Variants in NCKAP1L observed in about 807,000 individuals in gnomAD.
NCKAP1L encodes NCK associated protein 1 like.
NCKAP1L carries 53 observed loss-of-function variants against 139.2 expected under a neutral mutation model. The observed-to-expected ratio is 0.38, with a 90% CI of 0.31 to 0.48. The LOEUF is 0.48. Ranked by LOEUF, NCKAP1L falls within the 20% of genes least tolerant of loss-of-function variation. The pLI, the probability that NCKAP1L is intolerant of heterozygous loss-of-function variation, is 0.98. For missense variants in NCKAP1L, 1,151 were observed against 1,381.9 expected (o/e 0.83, Z 2.65); for synonymous variants, 468 against 499.7 (o/e 0.94, Z 0.85).
intron 25 of NCKAP1L, 68 bp from the exon 26 acceptor site, chr12:54,532,102 T>A (rs1051044574): frequency 8.7e-6 from 10 of 1,149,334 alleles, no homozygotes; most frequent in Admixed American, 2.6e-5. Context: ...TTTTTTTTTT[T>A]ATTTCTACCT....
At chr12:54,535,336 C>T (rs867913859) in intron 27 of NCKAP1L, 139 bp downstream of exon 27, 5 of 604,764 alleles carry the variant, frequency 8.3e-6, no homozygotes, top group Non-Finnish European at 1.1e-5. Context: ...AGGAAGGACC[C>T]TAACCTTCAG....
chr12:54,537,079 T>A, intron 29 of NCKAP1L, 26 bp downstream of exon 29: 1 of 1,468,742 alleles, frequency 6.8e-7, no homozygotes. Flanking sequence ...TTATAAAGAA[T>A]GGAAGATTGC....
chr12:54,506,488 C>T (rs11612362), intron 3 of NCKAP1L, among the ~76,000 whole-genome samples: 2 of 151,816 alleles, frequency 1.3e-5, no homozygotes, highest in Admixed American at 6.6e-5. Flanking sequence ...CTGCAACCTC[C>T]GCCTCTCAGC....
At chr12:54,534,163 G>C (rs1441320696) in intron 26 of NCKAP1L, among the ~76,000 whole-genome samples, 1 of 152,152 alleles carries the variant, frequency 6.6e-6, no homozygotes, top group Non-Finnish European at 1.5e-5. Flanking sequence ...GGATGTAAAG[G>C]CATCACATTT....
intron 14 of NCKAP1L, 42 bp from the exon 15 acceptor site, chr12:54,518,872 T>C: frequency 1.3e-6 from 2 of 1,556,428 alleles, no homozygotes; most frequent in Non-Finnish European, 1.8e-6. Context: ...GATATTGGTG[T>C]GCTGTTTATT....
rs138340385 is a variant in NCKAP1L at position 54,542,189 on chromosome 12, G to A, written c.3274-386G>A. On this transcript the variant is annotated intron_variant, in intron 30 of 30. Coordinates refer to ENST00000293373, the MANE Select transcript of NCKAP1L (RefSeq NM_005337.5). ...CCTTCCGTGGCCTGCAGTGGTGTTT[G>A]TTTCTCTTGCTGCAAAGCTTTGTAA... Among the ~76,000 whole-genome samples, 9 of 152,290 alleles carry A rather than the reference G, an allele frequency of 5.9e-5. No homozygotes were observed. The East Asian group carries it at 1.7e-3, about 29-fold the overall frequency.
chr12:54,523,242 C>A, intron 18 of NCKAP1L, 152 bp from the exon 19 acceptor site: 1 of 833,582 alleles, frequency 1.2e-6, no homozygotes, highest in Non-Finnish European at 1.9e-6. Flanking sequence ...TGAATAGGCC[C>A]CCATTAAAGA....
chr12:54,499,285 T>C (rs865854623), intron 1 of NCKAP1L, 70 bp from the exon 2 acceptor site: 25 of 886,830 alleles, frequency 2.8e-5, no homozygotes, highest in Admixed American at 2.3e-4. Flanking sequence ...TGAGAATGAA[T>C]GTTGCAAGAA....
rs373626744 is a variant in NCKAP1L, at chr12:54,538,945, G to A, written c.3245G>A (p.Arg1082Gln). The change falls in exon 30 of 31, where the codon CGA becomes CAA. Residue 1082 changes from arginine to glutamine, a missense_variant. By Grantham distance (43) the Arg-to-Gln change is conservative (BLOSUM62 1). Coordinates refer to ENST00000293373, the MANE Select transcript of NCKAP1L (RefSeq NM_005337.5). ...ACTGACAAGCTTAAAACCAGAAATC[G>A]AGAATCCATTTCTCTGCTCATGCGC... Reference protein sequence around the residue: ...QETDKLKTRNRESISLLMRLV... With the variant: ...QETDKLKTRNQESISLLMRLV... The A allele has an allele frequency of 4.1e-5, 66 of 1,613,912 alleles. No homozygotes were observed. Among genetic ancestry groups the A allele is most frequent in the Non-Finnish European group, 5.1e-5 (60 of 1,179,962 alleles).
Position 54,509,734 on chromosome 12 carries a change from C to G in NCKAP1L, c.572C>G (p.Thr191Arg). ...TATGACCACCCTCTGAAGAAGCTGA[C>G]AGAAGAGTTTGGGCCTCACACAAAG... is the stretch of plus-strand genomic sequence containing the variant. ...LEYDHPLKKL[T>R]EEFGPHTKAV... The change falls in exon 6 of 31, where the codon ACA (threonine) becomes AGA (arginine). Residue 191 changes from threonine to arginine, a missense_variant. Transcript: ENST00000293373. 1.9e-6 allele frequency: 3 copies of G among 1,614,182 alleles called. No individual in the cohort carries two copies. The highest frequency in any genetic ancestry group is 1.7e-6 in the Non-Finnish European group (2 of 1,180,020).
intron 3 of NCKAP1L, among the ~76,000 whole-genome samples, chr12:54,505,527 A>G (rs1176604887): frequency 6.7e-6 from 1 of 148,554 alleles, no homozygotes; most frequent in Non-Finnish European, 1.5e-5. Flanking sequence ...TCTAGAATAG[A>G]TTTTTCTTTT....
intron 5 of NCKAP1L, 114 bp downstream of exon 5, chr12:54,508,645 C>A (rs779848885): frequency 6.1e-5 from 67 of 1,098,944 alleles, no homozygotes; most frequent in Non-Finnish European, 7.9e-5. Flanking sequence ...AACCTATAAT[C>A]TACATTGACC....
chr12:54,533,465 G>A (rs1012447993), intron 26 of NCKAP1L, among the ~76,000 whole-genome samples: 1 of 152,156 alleles, frequency 6.6e-6, no homozygotes, highest in African/African-American at 2.4e-5. Context: ...TCCACAAACG[G>A]TCATTTAGGT....
Position 54,512,001 on chromosome 12 carries a change from GC to G in NCKAP1L, c.838del (p.Leu280CysfsTer33). 6.2e-7 allele frequency: 1 copy of G among 1,614,208 alleles called. No individual in the cohort carries two copies. Among genetic ancestry groups the G allele is most frequent in the Non-Finnish European group, 8.5e-7 (1 of 1,180,030 alleles). The part of the protein sequence containing the change: ...CLNSNSQCQK[L>X]WKLCLQGSLY... ...TCAACTCCAATAGCCAGTGCCAGAAGCTGTGGAAGCTGTGTCTGCAGGGCTC... is the reference window on the plus strand; with the variant it reads ...TCAACTCCAATAGCCAGTGCCAGAAGTGTGGAAGCTGTGTCTGCAGGGCTC... On this transcript the variant is annotated frameshift_variant, in exon 9 of 31. Transcript: ENST00000293373. LOFTEE classifies it high-confidence loss of function.
In NCKAP1L at chr12:54,518,511, A is replaced by G. The variant is rs567443989; in HGVS notation, c.1339-140A>G. ...GCAGGGAACCCGGAAAGTTTCCTTC[A>G]TCTCTTGCTTGGCTTTTTCTCTCTG... is the stretch of plus-strand genomic sequence containing the variant. On this transcript the variant is annotated intron_variant, in intron 13 of 30. Transcript: ENST00000293373. 202 of 748,684 alleles carry G rather than the reference A, an allele frequency of 2.7e-4. 2 individuals carry two copies. Among genetic ancestry groups the G allele is most frequent in the Non-Finnish European group, 4.8e-6 (2 of 413,940 alleles). 46.4% of individuals were successfully genotyped at this position (748,684 alleles called of 1,614,324 possible).
chr12:54,501,312 C>G (rs1956796156), intron 3 of NCKAP1L, among the ~76,000 whole-genome samples: 1 of 151,622 alleles, frequency 6.6e-6, no homozygotes, highest in Non-Finnish European at 1.5e-5. Flanking sequence ...AATAATATTC[C>G]ATTGTATGAT....
chr12:54,507,960 G>T, intron 4 of NCKAP1L, 51 bp downstream of exon 4: 1 of 1,557,566 alleles, frequency 6.4e-7, no homozygotes, highest in Middle Eastern at 1.7e-4. Flanking sequence ...AAAAGGCCAG[G>T]TCTAGGTTGG....
In NCKAP1L at chr12:54,512,110, G is replaced by C; in HGVS notation, c.941+5G>C. On this transcript the variant is annotated splice_donor_5th_base_variant and intron_variant, in intron 9 of 30. Coordinates refer to ENST00000293373, the MANE Select transcript of NCKAP1L (RefSeq NM_005337.5). The stretch of plus-strand genomic sequence containing the variant: ...CCTGTTTAGCAGTTTGAAAGGGTGA[G>C]AGACACGAGAGCCAAACTGATCTTC... 6.2e-7 allele frequency: 1 copy of C among 1,613,538 alleles called. No homozygotes were observed.
In NCKAP1L at chr12:54,521,211, T is replaced by G. The variant is rs770942931; in HGVS notation, c.1851T>G (p.Cys617Trp). The part of the protein sequence containing the change: ...KQTSNCVLEI[C>W]AEQRNLSEQL... ...CCAGCAATTGCGTCCTGGAGATCTG[T>G]GCTGAGCAGCGAAACCTGAGCGAGC... Residue 617 changes from cysteine (C) to tryptophan (W), a missense_variant, in exon 18 of 31, where the codon TGT (cysteine) becomes TGG (tryptophan). By Grantham distance (215) the Cys-to-Trp change is radical. Coordinates refer to ENST00000293373, the MANE Select transcript of NCKAP1L (RefSeq NM_005337.5). 1 of 1,614,140 alleles carries G rather than the reference T, an allele frequency of 6.2e-7. No individual in the cohort carries two copies. Among genetic ancestry groups the G allele is most frequent in the South Asian group, 1.1e-5 (1 of 91,080 alleles).
Sources: gnomAD v4.1 joint callset for allele counts (sites outside exome capture counted in the v4.1 genomes callset) on GRCh38, gnomAD v4.1.1 for gene constraint, MANE v1.5 for transcripts, NCBI Gene and HGNC (gene_info 2026-07-23, HGNC 2026-07-21) for gene names.